The following ANXA8 variants were observed in gnomAD, a reference collection of about 807,000 sequenced individuals.
The protein encoded by ANXA8 is annexin A8, also known as VAC-beta.
A neutral mutation model predicts 26.8 loss-of-function variants in ANXA8; 9 were observed. The observed-to-expected ratio is 0.34, with a 90% CI of 0.20 to 0.59. The LOEUF is 0.59. Ranked by LOEUF, ANXA8 falls within the 20% of genes least tolerant of loss-of-function variation. ANXA8 has a pLI of 0.84. For missense variants in ANXA8, 83 were observed against 238.5 expected (o/e 0.35, Z 4.29); for synonymous variants, 39 against 94.8 (o/e 0.41, Z 3.42).
chr10:47,497,953 AAAT>A, the ANXA8 span, among the ~76,000 whole-genome samples: 2 of 152,026 alleles, frequency 1.3e-5, no homozygotes, highest in African/African-American at 4.8e-5. Flanking sequence ...TATAATGAAA[AAAT>A]AATAATTCTA....
chr10:47,687,125 T>C, the ANXA8 span, among the ~76,000 whole-genome samples: 1 of 150,642 alleles, frequency 6.6e-6, no homozygotes, highest in Non-Finnish European at 1.5e-5. Flanking sequence ...TAAAATAAAA[T>C]AAAATAAAAT....
At chr10:47,967,465 T>C in the ANXA8 span, among the ~76,000 whole-genome samples, 2 of 129,180 alleles carry the variant, frequency 1.5e-5, no homozygotes, top group African/African-American at 5.9e-5. Flanking sequence ...AACCATATAA[T>C]TGTACTTTGA....
At chr10:47,565,127 C>T in the ANXA8 span, 2 of 750,888 alleles carry the variant, frequency 2.7e-6, no homozygotes, top group Non-Finnish European at 4.9e-6. Flanking sequence ...CTTCAACTTC[C>T]TGGGCCAGCT....
At chr10:47,979,974 T>G in the ANXA8 span, among the ~76,000 whole-genome samples, 1 of 151,786 alleles carries the variant, frequency 6.6e-6, no homozygotes, top group Non-Finnish European at 1.5e-5. Flanking sequence ...GGTGCAAATT[T>G]GTGGTAATTT....
upstream of ANXA8, among the ~76,000 whole-genome samples, chr10:47,486,943 A>G (rs1840060003): frequency 6.6e-6 from 1 of 150,774 alleles, no homozygotes; most frequent in African/African-American, 2.4e-5. Flanking sequence ...ATTGCCCTCC[A>G]GCCTGGGCGA....
At chr10:47,520,838 TAAAAAAA>T in the ANXA8 span, among the ~76,000 whole-genome samples, 1 of 89,364 alleles carries the variant, frequency 1.1e-5, no homozygotes, top group Non-Finnish European at 2.1e-5. Context: ...CTCCTTTATT[TAAAAAAA>T]AAAAAAAAAA....
chr10:47,593,615 A>G, the ANXA8 span, among the ~76,000 whole-genome samples: 3 of 149,800 alleles, frequency 2.0e-5, no homozygotes, highest in African/African-American at 7.6e-5. Flanking sequence ...TGTGAAAGCC[A>G]CTGCAGCAAC....
chr10:47,709,260 C>G, the ANXA8 span, among the ~76,000 whole-genome samples: 1 of 146,170 alleles, frequency 6.8e-6, no homozygotes. Flanking sequence ...TCACCTGTTA[C>G]ATCCCTTTTC....
At chr10:47,979,398 A>T in the ANXA8 span, among the ~76,000 whole-genome samples, 1 of 151,536 alleles carries the variant, frequency 6.6e-6, no homozygotes, top group Admixed American at 6.6e-5. Context: ...TGTTCTCAAG[A>T]ATAAATCTTG....
chr10:47,671,960 G>A, the ANXA8 span, among the ~76,000 whole-genome samples: 1 of 151,420 alleles, frequency 6.6e-6, no homozygotes, highest in Non-Finnish European at 1.5e-5. Context: ...TGATTAATCT[G>A]AGGTATTTAA....
the ANXA8 span, among the ~76,000 whole-genome samples, chr10:47,632,899 GT>G: frequency 7.3e-6 from 1 of 136,930 alleles, no homozygotes; most frequent in Admixed American, 7.1e-5. Context: ...GATAATACAG[GT>G]TTTTGAGGAT....
the ANXA8 span, among the ~76,000 whole-genome samples, chr10:47,572,933 T>C: frequency 3.3e-5 from 5 of 150,998 alleles, no homozygotes; most frequent in African/African-American, 1.2e-4. Flanking sequence ...ATGTTTGTGA[T>C]TTACAAACTG....
At chr10:47,470,297 T>C (rs1471642346) in intron 11 of ANXA8, among the ~76,000 whole-genome samples, 1 of 150,628 alleles carries the variant, frequency 6.6e-6, no homozygotes, top group African/African-American at 2.5e-5. Context: ...GTAACAACAT[T>C]AGATAAAATT....
At chr10:47,743,341 C>CACATATATATAT in the ANXA8 span, among the ~76,000 whole-genome samples, 1 of 53,738 alleles carries the variant, frequency 1.9e-5, no homozygotes, top group Non-Finnish European at 4.2e-5. Flanking sequence ...TATATATATA[C>CACATATATATAT]ATATATATAT....
chr10:47,755,286 C>T, the ANXA8 span, among the ~76,000 whole-genome samples: 1 of 149,512 alleles, frequency 6.7e-6, no homozygotes, highest in African/African-American at 2.5e-5. Flanking sequence ...GACGAAGTCT[C>T]GCTCTGTTGC....
the ANXA8 span, among the ~76,000 whole-genome samples, chr10:47,735,032 A>G: frequency 2.7e-5 from 4 of 148,656 alleles, no homozygotes; most frequent in East Asian, 8.0e-4. Flanking sequence ...AAAAAAAAAA[A>G]AATTATAAAC....
the ANXA8 span, among the ~76,000 whole-genome samples, chr10:47,918,427 A>G: frequency 2.9e-5 from 1 of 34,886 alleles, no homozygotes; most frequent in East Asian, 4.8e-4. Context: ...GAAAGAAAGA[A>G]AGAAAGAGAG....
chr10:47,520,976 A>T, the ANXA8 span, among the ~76,000 whole-genome samples: 8 of 116,620 alleles, frequency 6.9e-5, no homozygotes, highest in African/African-American at 3.1e-4. Context: ...TATAAGATGT[A>T]TTCTAGAGTT....
the ANXA8 span, among the ~76,000 whole-genome samples, chr10:47,558,381 G>A: frequency 5.3e-5 from 8 of 151,918 alleles, no homozygotes; most frequent in Middle Eastern, 3.4e-3. Context: ...CCTGTGTACC[G>A]AGCCCATTCA....
Sources: allele counts gnomAD v4.1 joint callset (sites outside exome capture counted in the v4.1 genomes callset), GRCh38; gene constraint gnomAD v4.1.1; transcripts MANE v1.5; gene names NCBI Gene and HGNC (gene_info 2026-07-23, HGNC 2026-07-21).